FASTKD1: variants seen among roughly 807,000 people sequenced by gnomAD.
FASTKD1 encodes FAST kinase domain-containing protein 1, mitochondrial.
Under a neutral mutation model 90.9 loss-of-function variants are expected in FASTKD1, and 94 were observed. The observed-to-expected ratio is 1.03, with a 90% CI of 0.88 to 1.23. FASTKD1 has a LOEUF of 1.23. Ranked by LOEUF, FASTKD1 falls within the 50% of genes most tolerant of loss-of-function variation. FASTKD1 has a pLI of 0.00. For missense variants in FASTKD1, 945 were observed against 993.5 expected (o/e 0.95, Z 0.66); for synonymous variants, 319 against 345.8 (o/e 0.92, Z 0.86).
intron 13 of FASTKD1, 51 bp downstream of exon 13, chr2:169,531,301 C>T (rs1255296442): frequency 6.3e-7 from 1 of 1,576,948 alleles, no homozygotes; most frequent in Admixed American, 1.7e-5. Flanking sequence ...TATAGTACAC[C>T]AAATTTAACA....
At chr2:169,543,290 C>A (rs1476160368) in intron 9 of FASTKD1, among the ~76,000 whole-genome samples, 1 of 152,044 alleles carries the variant, frequency 6.6e-6, no homozygotes, top group Non-Finnish European at 1.5e-5. Flanking sequence ...ATGGAGAAAC[C>A]CCGTCTCTAC....
At chr2:169,537,904 C>T in intron 11 of FASTKD1, 109 bp downstream of exon 11, 3 of 922,068 alleles carry the variant, frequency 3.3e-6, no homozygotes, top group Non-Finnish European at 4.9e-6. Context: ...GGTCATGGCA[C>T]TCTTGGGAAG....
Position 169,562,071 on chromosome 2 carries a change from A to G in FASTKD1, c.572+1154T>C, listed in dbSNP as rs1683708837. On this transcript the variant is annotated intron_variant, in intron 4 of 14. Coordinates refer to ENST00000453153, the MANE Select transcript of FASTKD1 (RefSeq NM_024622.6). The stretch of plus-strand genomic sequence containing the variant: ...ATTAATTATTTATTAATTTATTGTA[A>G]AATAATTATTTATTAATTTATTGTA... Among the ~76,000 whole-genome samples the G allele has an allele frequency of 1.7e-5, 2 of 120,948 alleles. 1 individual carries two copies. Among genetic ancestry groups the G allele is most frequent in the Non-Finnish European group, 3.4e-5 (2 of 58,344 alleles). The allele number at this position is 120,948 out of a possible 152,430, so 79.3% of individuals were successfully genotyped here.
Position 169,560,393 on chromosome 2 carries a change from T to C in FASTKD1, c.965A>G (p.Lys322Arg). ...CATTTTAAACTGAACTTACTGTTTC[T>C]TTTCTTCAGGTCCTGCAATGGGTCC... is the stretch of plus-strand genomic sequence containing the variant. ...ALGPIAGPEE[K>R]KQLKSTMLLM... The change falls in exon 5 of 15, where the codon AAG (lysine) becomes AGG (arginine). Residue 322 changes from lysine to arginine, a missense_variant. Transcript: ENST00000453153. 1 of 1,534,130 alleles carries C rather than the reference T, an allele frequency of 6.5e-7. No homozygotes were observed. Among genetic ancestry groups the C allele is most frequent in the African/African-American group, 1.4e-5 (1 of 71,768 alleles).
intron 12 of FASTKD1, among the ~76,000 whole-genome samples, chr2:169,534,074 G>C (rs1684610858): frequency 6.6e-6 from 1 of 151,224 alleles, no homozygotes; most frequent in Non-Finnish European, 1.5e-5. Flanking sequence ...AGGAGGCTGA[G>C]GTGGGAGAAT....
chr2:169,551,541 A>G (rs1218172867), intron 7 of FASTKD1, among the ~76,000 whole-genome samples: 1 of 152,222 alleles, frequency 6.6e-6, no homozygotes, highest in Non-Finnish European at 1.5e-5. Flanking sequence ...TCATGCCTGT[A>G]ACCCCAGCAC....
intron 8 of FASTKD1, 42 bp downstream of exon 8, chr2:169,546,176 T>C: frequency 6.7e-7 from 1 of 1,503,044 alleles, no homozygotes; most frequent in Non-Finnish European, 8.9e-7. Flanking sequence ...CTTGCAGAAG[T>C]TGACAACTCT....
At chr2:169,564,710 C>A (rs1683872219) in intron 3 of FASTKD1, among the ~76,000 whole-genome samples, 1 of 152,088 alleles carries the variant, frequency 6.6e-6, no homozygotes, top group Non-Finnish European at 1.5e-5. Flanking sequence ...CCACCTCCCC[C>A]ACAATCGCCC....
At chr2:169,547,954 A>T (rs1364017532) in intron 7 of FASTKD1, among the ~76,000 whole-genome samples, 1 of 144,932 alleles carries the variant, frequency 6.9e-6, no homozygotes, top group Non-Finnish European at 1.5e-5. Context: ...TCCATAAAGG[A>T]TTATTCAGGA....
chr2:169,567,857 C>T (rs1684053264), intron 3 of FASTKD1, among the ~76,000 whole-genome samples: 1 of 152,064 alleles, frequency 6.6e-6, no homozygotes, highest in Non-Finnish European at 1.5e-5. Flanking sequence ...CCTTATTCCA[C>T]TAACAATAGA....
intron 3 of FASTKD1, among the ~76,000 whole-genome samples, 184 bp downstream of exon 3, chr2:169,568,998 CAA>C (rs374268347): frequency 0.11 from 11,006 of 104,716 alleles, 532 homozygotes; most frequent in South Asian, 0.28. Context: ...GACTCCATCT[CAA>C]AAAAAAAAAA....
At chr2:169,563,401 A>G (rs1559158796) in intron 3 of FASTKD1, 51 bp from the exon 4 acceptor site, 6 of 1,318,328 alleles carry the variant, frequency 4.6e-6, no homozygotes, top group Non-Finnish European at 6.3e-6. Flanking sequence ...TTTCACTTAA[A>G]ACACATAATA....
chr2:169,546,723 A>C lies in FASTKD1; in HGVS notation c.1215-19T>G, dbSNP rs746907802. 16 of 1,587,862 alleles carry C rather than the reference A, an allele frequency of 1.0e-5. No homozygotes were observed. The highest frequency in any genetic ancestry group is 3.4e-5 in the South Asian group (3 of 87,702). On this transcript the variant is annotated intron_variant, in intron 7 of 14. Transcript: ENST00000453153. ...CAAATAACTGCAAAATGAAAAATGA[A>C]AAGAATACATCAGCAACAAACCCAA...
rs370676081 is a variant in FASTKD1 at position 169,529,410 on chromosome 2, T to C, written c.*415A>G. Among the ~76,000 whole-genome samples, 11 of 152,190 alleles carry C rather than the reference T, an allele frequency of 7.2e-5. No individual in the cohort carries two copies. The highest frequency in any genetic ancestry group is 2.7e-4 in the African/African-American group (11 of 41,442). ...TATTACCTCCACTGCTACCACTCTC[T>C]CCAAGCCACCATCCATTGTTGTCTG... On this transcript the variant is annotated 3_prime_UTR_variant, in exon 15 of 15. Coordinates refer to ENST00000453153, the MANE Select transcript of FASTKD1 (RefSeq NM_024622.6).
chr2:169,543,447 G>A (rs1444730134), intron 9 of FASTKD1, among the ~76,000 whole-genome samples: 5 of 151,936 alleles, frequency 3.3e-5, no homozygotes, highest in Non-Finnish European at 5.9e-5. Flanking sequence ...TGGGCAACAA[G>A]AGCAAAACTC....
chr2:169,545,369 C>T (rs539441992), intron 8 of FASTKD1, among the ~76,000 whole-genome samples: 23 of 152,238 alleles, frequency 1.5e-4, no homozygotes, highest in African/African-American at 5.3e-4. Flanking sequence ...TAATCACTAG[C>T]ATTTATTTTT....
chr2:169,567,114 C>CA (rs574756229), intron 3 of FASTKD1, among the ~76,000 whole-genome samples: 12,469 of 122,700 alleles, frequency 0.1, 576 homozygotes, highest in African/African-American at 0.16. Context: ...GACTCTGTCT[C>CA]AAAAAAAAAA....
chr2:169,544,296 G>A (rs111373107), intron 9 of FASTKD1, among the ~76,000 whole-genome samples: 5 of 152,202 alleles, frequency 3.3e-5, no homozygotes, highest in East Asian at 3.9e-4. Context: ...AGGGCCGGGC[G>A]CAGTGGCTCA....
chr2:169,555,953 C>A (rs141093167), intron 6 of FASTKD1, among the ~76,000 whole-genome samples: 2,651 of 152,078 alleles, frequency 0.017, 50 homozygotes, highest in Non-Finnish European at 0.022. Flanking sequence ...TTTGGGAGAA[C>A]TGCTTGAGCC....
Sources: gnomAD v4.1 joint callset for allele counts (sites outside exome capture counted in the v4.1 genomes callset) on GRCh38, gnomAD v4.1.1 for gene constraint, MANE v1.5 for transcripts, NCBI Gene and HGNC (gene_info 2026-07-23, HGNC 2026-07-21) for gene names.